Variants in CDC123 observed in about 807,000 individuals in gnomAD.
CDC123 encodes translation initiation factor eIF2 assembly protein.
CDC123 carries 37 observed loss-of-function variants against 54.4 expected under a neutral mutation model. That is an observed-to-expected ratio of 0.68 (90% CI 0.52 to 0.89). The LOEUF is 0.89. Among genes scored for constraint, CDC123 ranks in the 40% least tolerant of loss-of-function variants. The pLI is 0.00. For missense variants in CDC123, 361 were observed against 412.1 expected, an observed-to-expected ratio of 0.88 and a Z score of 1.07; for synonymous variants, 144 against 136.8, an observed-to-expected ratio of 1.05 and a Z score of -0.37.
chr10:12,211,392 G>T (rs147002732), intron 4 of CDC123, among the ~76,000 whole-genome samples: 1 of 151,822 alleles, frequency 6.6e-6, no homozygotes, highest in Non-Finnish European at 1.5e-5. Flanking sequence ...TGATTGCCAG[G>T]ATAGAAGAAA....
chr10:12,198,880 T>C, intron 2 of CDC123, 104 bp downstream of exon 2: 1 of 685,270 alleles, frequency 1.5e-6, no homozygotes, highest in South Asian at 1.7e-5. Flanking sequence ...TCTTTTTCTC[T>C]CCTAGCCAAA....
At chr10:12,228,109 A>T (rs1835851814) in intron 6 of CDC123, among the ~76,000 whole-genome samples, 1 of 150,384 alleles carries the variant, frequency 6.6e-6, no homozygotes, top group African/African-American at 2.4e-5. Context: ...TAATTTTTAT[A>T]TTTTTTTTAG....
chr10:12,228,661 C>T (rs1401085484), intron 6 of CDC123, among the ~76,000 whole-genome samples: 2 of 152,186 alleles, frequency 1.3e-5, no homozygotes, highest in Non-Finnish European at 2.9e-5. Context: ...ACCTCTGCCT[C>T]CCAGGTTCAA....
chr10:12,230,134 T>G (rs1272006331), intron 6 of CDC123, among the ~76,000 whole-genome samples: 2 of 152,208 alleles, frequency 1.3e-5, no homozygotes, highest in Non-Finnish European at 2.9e-5. Flanking sequence ...ATTTTAATTT[T>G]TGTGGGTACA....
intron 4 of CDC123, among the ~76,000 whole-genome samples, chr10:12,214,893 AAATT>A (rs1315353145): frequency 1.3e-5 from 2 of 152,118 alleles, no homozygotes; most frequent in African/African-American, 4.8e-5. Flanking sequence ...GTATAAATGA[AAATT>A]AATGACTGCG....
At chr10:12,207,202 T>A (rs926372569) in intron 2 of CDC123, among the ~76,000 whole-genome samples, 1 of 152,122 alleles carries the variant, frequency 6.6e-6, no homozygotes, top group Non-Finnish European at 1.5e-5. Flanking sequence ...AATTTTATTA[T>A]TTCTTCTCTA....
chr10:12,200,120 A>ATTTTTTTTTTTTTTTTTTTTTTTTTTTT (rs543337462), intron 2 of CDC123, among the ~76,000 whole-genome samples: 1 of 59,368 alleles, frequency 1.7e-5, no homozygotes, highest in African/African-American at 6.0e-5. Context: ...CGCACTCGGC[A>ATTTTTTTTTTTTTTTTTTTTTTTTTTTT]TTTTTTTTTT....
chr10:12,212,872 A>G (rs1170570851), intron 4 of CDC123, among the ~76,000 whole-genome samples: 4 of 152,228 alleles, frequency 2.6e-5, no homozygotes, highest in African/African-American at 7.2e-5. Flanking sequence ...CTGAAATCCA[A>G]AACACTTCTG....
intron 5 of CDC123, among the ~76,000 whole-genome samples, chr10:12,216,932 C>T (rs1225237466): frequency 6.6e-6 from 1 of 152,156 alleles, no homozygotes; most frequent in Non-Finnish European, 1.5e-5. Flanking sequence ...GCTCCAGCCG[C>T]CAAAGTTCAA....
chr10:12,224,763 A>C (rs546931506), intron 6 of CDC123, among the ~76,000 whole-genome samples: 1 of 152,268 alleles, frequency 6.6e-6, no homozygotes, highest in South Asian at 2.1e-4. Flanking sequence ...AATTTGGGGA[A>C]TATTTTGTGG....
intron 7 of CDC123, 68 bp from the exon 8 acceptor site, chr10:12,234,980 C>T (rs931445359): frequency 2.7e-6 from 3 of 1,104,010 alleles, no homozygotes; most frequent in African/African-American, 1.6e-5. Context: ...ACAGTGTTGA[C>T]CTAAAATTGC....
At position 12,197,603 on chromosome 10, in the gene CDC123, G is replaced by T. The variant is rs944178585; in HGVS notation, c.75-1102G>T. Among the ~76,000 whole-genome samples, 17 of 151,470 alleles carry T rather than the reference G, an allele frequency of 1.1e-4. No individual in the cohort carries two copies. In the South Asian group the frequency reaches 1.2e-3, roughly 11 times the overall value. On this transcript the variant is annotated intron_variant, in intron 1 of 12. Transcript: ENST00000281141. The stretch of plus-strand genomic sequence containing the variant: ...CGTGTTAGCCAGGATGGTCTCGATT[G>T]CCTGACCTCGTGATCCGCCCGCCTC...
chr10:12,244,707 A>C (rs1315998666), intron 10 of CDC123: 5 of 149,248 alleles, frequency 3.4e-5, no homozygotes, highest in African/African-American at 1.2e-4. Flanking sequence ...TACAGACGGA[A>C]CACTTACCAC....
intron 6 of CDC123, among the ~76,000 whole-genome samples, chr10:12,230,286 G>A (rs1257452235): frequency 6.6e-6 from 1 of 151,634 alleles, no homozygotes; most frequent in Non-Finnish European, 1.5e-5. Flanking sequence ...TCCGCCTCAC[G>A]GTTTTAGGTG....
chr10:12,197,381 A>T (rs10906096), intron 1 of CDC123, among the ~76,000 whole-genome samples: 20 of 150,606 alleles, frequency 1.3e-4, no homozygotes, highest in South Asian at 1.0e-3. Context: ...GAAGAACTAG[A>T]TTTTTTTTTT....
At chr10:12,247,322 A>C (rs190965987) in intron 11 of CDC123, 1 of 31,026 alleles carries the variant, frequency 3.2e-5, no homozygotes, top group Non-Finnish European at 8.8e-5. Flanking sequence ...CCTCCCCCTC[A>C]GGACACTGTG....
Position 12,216,864 on chromosome 10 carries a change from G to T in CDC123, c.334-497G>T, listed in dbSNP as rs17151429. Among the ~76,000 whole-genome samples the T allele has an allele frequency of 6.1e-3, 922 of 152,284 alleles. 10 individuals are homozygous for T. Among genetic ancestry groups the T allele is most frequent in the African/African-American group, 0.021 (884 of 41,548 alleles). ...GAGACATTCACCATTTAAAGTTGTAGTGGTTCAGAATAGCTCACCTCCTTC... is the reference window on the plus strand; with the variant it reads ...GAGACATTCACCATTTAAAGTTGTATTGGTTCAGAATAGCTCACCTCCTTC... On this transcript the variant is annotated intron_variant, in intron 5 of 12. Transcript: ENST00000281141.
intron 12 of CDC123, 191 bp downstream of exon 12, chr10:12,249,909 A>C: frequency 1.4e-6 from 1 of 708,854 alleles, no homozygotes; most frequent in Non-Finnish European, 2.2e-6. Flanking sequence ...TATTGATTAG[A>C]ATGACAGAAA....
At chr10:12,220,663 A>G (rs890472814) in intron 6 of CDC123, among the ~76,000 whole-genome samples, 2 of 152,252 alleles carry the variant, frequency 1.3e-5, no homozygotes, top group Non-Finnish European at 2.9e-5. Flanking sequence ...AATGTTTGTC[A>G]CAAAGGCCTT....
Sources: gnomAD v4.1 joint callset for allele counts (sites outside exome capture counted in the v4.1 genomes callset) on GRCh38, gnomAD v4.1.1 for gene constraint, MANE v1.5 for transcripts, NCBI Gene and HGNC (gene_info 2026-07-23, HGNC 2026-07-21) for gene names.